Variants in PAX7 observed in about 807,000 individuals in gnomAD.
PAX7 encodes the protein paired box protein Pax-7.
PAX7 carries 18 observed loss-of-function variants against 50.7 expected under a neutral mutation model. The observed-to-expected ratio is 0.36, with a 90% CI of 0.25 to 0.53. The LOEUF is 0.53. Ranked by LOEUF, PAX7 falls within the 20% of genes least tolerant of loss-of-function variation. PAX7 has a pLI of 0.93. For synonymous variants in PAX7, 310 were observed against 290.4 expected (o/e 1.07, Z -0.69); for missense variants, 644 against 702.9 (o/e 0.92, Z 0.95).
chr1:18,660,535 T>A (rs1381107332), intron 4 of PAX7, among the ~76,000 whole-genome samples: 2 of 152,084 alleles, frequency 1.3e-5, no homozygotes, highest in South Asian at 2.1e-4. Context: ...CTGCCTCCCT[T>A]CCACGCCCCA....
intron 4 of PAX7, among the ~76,000 whole-genome samples, chr1:18,646,404 A>G (rs372173303): frequency 1.8e-4 from 26 of 147,730 alleles, no homozygotes; most frequent in East Asian, 1.2e-3. Flanking sequence ...TTCCCCAAAA[A>G]CCCGGTCTTT....
At chr1:18,685,000 T>C (rs990876176) in intron 4 of PAX7, among the ~76,000 whole-genome samples, 1 of 152,130 alleles carries the variant, frequency 6.6e-6, no homozygotes, top group African/African-American at 2.4e-5. Context: ...TTTCAAGGCT[T>C]TTCCTCTGGC....
intron 4 of PAX7, among the ~76,000 whole-genome samples, chr1:18,640,190 G>A (rs918570220): frequency 6.6e-6 from 1 of 152,188 alleles, no homozygotes; most frequent in Non-Finnish European, 1.5e-5. Flanking sequence ...GGGAAGGATC[G>A]GAAAGGAGGG....
chr1:18,701,957 C>T (rs1454732843), intron 6 of PAX7, among the ~76,000 whole-genome samples: 2 of 152,076 alleles, frequency 1.3e-5, no homozygotes, highest in South Asian at 2.1e-4. Flanking sequence ...GGGTTCCCTC[C>T]CCCTACCTCA....
rs994292096 is a variant in PAX7 at position 18,634,757 on chromosome 1, GCCAT to G, written c.321+220_321+223del. ...TTGTGCAAGACCTTGAGGCCAATGA[GCCAT>G]TCCTGGACTGTCCCCACATTTGCCT... On this transcript the variant is annotated intron_variant, in intron 2 of 8. Transcript: ENST00000420770. This position sits in a 1 kb window ranked among gnomAD's most constrained non-coding sequence, Gnocchi z 4.0. Among the ~76,000 whole-genome samples, 28 of 152,320 alleles carry G rather than the reference GCCAT, an allele frequency of 1.8e-4. No homozygotes were observed. The highest frequency in any genetic ancestry group is 6.7e-4 in the African/African-American group (28 of 41,570).
At chr1:18,670,223 T>C (rs1396925457) in intron 4 of PAX7, among the ~76,000 whole-genome samples, 1 of 152,160 alleles carries the variant, frequency 6.6e-6, no homozygotes, top group Admixed American at 6.6e-5. Context: ...TGTAGAGCCA[T>C]GGCAAGGCTA....
chr1:18,634,508 G>T lies in PAX7; in HGVS notation c.291G>T (p.Arg97=), dbSNP rs550466055. 1.2e-6 allele frequency: 2 copies of T among 1,614,058 alleles called. No individual in the cohort carries two copies. Among genetic ancestry groups the T allele is most frequent in the South Asian group, 1.1e-5 (1 of 91,076 alleles). The change falls in exon 2 of 9, where the codon CGG becomes CGT. Residue 97 remains arginine (R), a synonymous_variant. Coordinates refer to ENST00000420770, the MANE Select transcript of PAX7 (RefSeq NM_001135254.2). The surrounding 1 kb of genome is among the most constrained non-coding windows in gnomAD (Gnocchi z 4.0). ...LCRYQETGSI[R]PGAIGGSKPR... The stretch of plus-strand genomic sequence containing the variant: ...GCTACCAGGAGACCGGGTCCATCCG[G>T]CCTGGGGCCATCGGCGGCAGCAAGC...
intron 8 of PAX7, among the ~76,000 whole-genome samples, chr1:18,738,663 C>T (rs890638454): frequency 6.6e-6 from 1 of 152,026 alleles, no homozygotes; most frequent in Non-Finnish European, 1.5e-5. Context: ...CTCAGAGCTC[C>T]TCTTGGCCAC....
chr1:18,733,017 C>T (rs1433429621), intron 7 of PAX7, among the ~76,000 whole-genome samples: 1 of 152,096 alleles, frequency 6.6e-6, no homozygotes, highest in African/African-American at 2.4e-5. Flanking sequence ...TCTTGGAGTC[C>T]AGGCCTCCTT....
chr1:18,634,617 C>G lies in PAX7; in HGVS notation c.321+79C>G, dbSNP rs1279076270. On this transcript the variant is annotated intron_variant, in intron 2 of 8. Transcript: ENST00000420770. This position sits in a 1 kb window ranked among gnomAD's most constrained non-coding sequence, Gnocchi z 4.0. ...CTGGTTGTGGCCCCTCTTACTACCTCGTGGCACCAGGCTGTAGGAAAGTAC... is the reference window on the plus strand; with the variant it reads ...CTGGTTGTGGCCCCTCTTACTACCTGGTGGCACCAGGCTGTAGGAAAGTAC... The G allele has an allele frequency of 6.0e-6, 7 of 1,164,524 alleles. No individual in the cohort carries two copies. The highest frequency in any genetic ancestry group is 5.6e-5 in the Admixed American group (3 of 54,036). 72.1% of individuals were successfully genotyped at this position (1,164,524 alleles called of 1,614,324 possible). A position where few individuals can be genotyped will look rare whatever the true frequency, so the allele number is the denominator to read the frequency against.
intron 4 of PAX7, among the ~76,000 whole-genome samples, chr1:18,666,432 T>C (rs2088670538): frequency 6.6e-6 from 1 of 152,146 alleles, no homozygotes; most frequent in Non-Finnish European, 1.5e-5. Context: ...GGAGGTGGCA[T>C]AGTCCCTGCC....
chr1:18,719,096 C>T (rs1349617139), intron 7 of PAX7, among the ~76,000 whole-genome samples: 5 of 152,210 alleles, frequency 3.3e-5, no homozygotes, highest in South Asian at 2.1e-4. Flanking sequence ...CTCCTGCACA[C>T]TTTCACTGTC....
chr1:18,671,675 C>G (rs147684042), intron 4 of PAX7, among the ~76,000 whole-genome samples: 1 of 152,104 alleles, frequency 6.6e-6, no homozygotes, highest in African/African-American at 2.4e-5. Context: ...CCAGTACCTC[C>G]ACTTTCTTCA....
At chr1:18,684,159 G>C (rs991162602) in intron 4 of PAX7, among the ~76,000 whole-genome samples, 1 of 152,302 alleles carries the variant, frequency 6.6e-6, no homozygotes, top group African/African-American at 2.4e-5. Flanking sequence ...GCCATTGCTG[G>C]GGAAGAAGGT....
intron 4 of PAX7, among the ~76,000 whole-genome samples, chr1:18,653,528 G>A (rs944271000): frequency 6.6e-6 from 1 of 152,140 alleles, no homozygotes; most frequent in Non-Finnish European, 1.5e-5. Context: ...CTGAGAATGT[G>A]TTCAGGGGTC....
intron 4 of PAX7, among the ~76,000 whole-genome samples, chr1:18,686,626 T>C (rs1381538377): frequency 6.6e-6 from 1 of 152,162 alleles, no homozygotes; most frequent in Non-Finnish European, 1.5e-5. Context: ...TGTTGATTAA[T>C]TTAACTCTGA....
At chr1:18,740,280 T>G (rs1931057381) in intron 8 of PAX7, among the ~76,000 whole-genome samples, 1 of 152,136 alleles carries the variant, frequency 6.6e-6, no homozygotes, top group Non-Finnish European at 1.5e-5. Context: ...TCAGGAAAGT[T>G]TGGCTTCCTG....
Position 18,696,414 on chromosome 1 carries a change from C to T in PAX7, c.787-4239C>T, listed in dbSNP as rs529972402. 5.9e-5 allele frequency among the ~76,000 whole-genome samples: 9 copies of T among 152,256 alleles called. No homozygotes were observed. The East Asian group carries it at 1.2e-3, about 20-fold the overall frequency. On this transcript the variant is annotated intron_variant, in intron 5 of 8. Coordinates refer to ENST00000420770, the MANE Select transcript of PAX7 (RefSeq NM_001135254.2). ...CCAGGCATGATGGCTCACCAGTCTA[C>T]GTGTGTTATGTTTATTAATTCTCAC...
intron 5 of PAX7, among the ~76,000 whole-genome samples, chr1:18,699,957 G>A (rs988850655): frequency 7.2e-5 from 11 of 152,144 alleles, no homozygotes; most frequent in Admixed American, 3.9e-4. Context: ...TTCCCCTTCT[G>A]TAAAATGGGA....
Sources: allele counts gnomAD v4.1 joint callset (sites outside exome capture counted in the v4.1 genomes callset), GRCh38; gene constraint gnomAD v4.1.1; non-coding constraint Gnocchi (gnomAD v3.1); transcripts MANE v1.5; gene names NCBI Gene and HGNC (gene_info 2026-07-23, HGNC 2026-07-21).